Variants in TYW1 observed in about 807,000 individuals in gnomAD.
TYW1 encodes the protein tRNA-yW synthesizing protein 1 homolog.
Under a neutral mutation model 96.2 loss-of-function variants are expected in TYW1, and 46 were observed. That is an observed-to-expected ratio of 0.48 (90% CI 0.38 to 0.61). The LOEUF (loss-of-function observed/expected upper bound fraction) is 0.61. Ranked by LOEUF, TYW1 falls within the 20% of genes least tolerant of loss-of-function variation. The probability of loss-of-function intolerance (pLI) is 0.00; values close to 1 mark genes in which losing one functional copy is unlikely to be tolerated. For missense variants in TYW1, 684 were observed against 909.6 expected (o/e 0.75, Z 3.19); for synonymous variants, 274 against 323.0 (o/e 0.85, Z 1.63).
chr7:67,023,628 T>C (rs1471800823), intron 6 of TYW1, among the ~76,000 whole-genome samples: 1 of 151,544 alleles, frequency 6.6e-6, no homozygotes, highest in Non-Finnish European at 1.5e-5. Flanking sequence ...ATTAGCTGGG[T>C]GTGATGGTGC....
chr7:67,024,767 C>T (rs1346642516), intron 6 of TYW1, 133 bp from the exon 7 acceptor site: 52 of 1,362,556 alleles, frequency 3.8e-5, no homozygotes, highest in Middle Eastern at 2.7e-4. Context: ...GGCGACAGAG[C>T]GAGACCCTGT....
intron 8 of TYW1, among the ~76,000 whole-genome samples, chr7:67,052,744 T>A (rs1186383947): frequency 2.0e-5 from 3 of 152,110 alleles, no homozygotes; most frequent in Non-Finnish European, 2.9e-5. Context: ...TTTATTTATT[T>A]ATTTTGAGAC....
rs1169786647 is a variant in TYW1, at chr7:67,105,974, C to CACA, written c.1562+7259_1562+7261dup. On this transcript the variant is annotated intron_variant, in intron 12 of 15. Coordinates refer to ENST00000359626, the MANE Select transcript of TYW1 (RefSeq NM_018264.4). ...GTACACTGGTGCGATCTCGGCTCAC[C>CACA]ACAACCTCCACTTCCCGGGTTCAAG... Among the ~76,000 whole-genome samples the CACA allele has an allele frequency of 2.0e-5, 3 of 147,644 alleles. No individual in the cohort carries two copies. The East Asian group carries it at 6.0e-4, about 30-fold the overall frequency.
At chr7:67,172,546 G>T (rs1483234152) in intron 13 of TYW1, among the ~76,000 whole-genome samples, 1 of 151,608 alleles carries the variant, frequency 6.6e-6, no homozygotes, top group East Asian at 1.9e-4. Flanking sequence ...TGAGCCTCCC[G>T]AGTAGCTGGG....
At chr7:67,151,591 T>G (rs1798801071) in intron 13 of TYW1, among the ~76,000 whole-genome samples, 1 of 152,142 alleles carries the variant, frequency 6.6e-6, no homozygotes, top group African/African-American at 2.4e-5. Flanking sequence ...GGAATATATC[T>G]ACAAGCAGTA....
At chr7:67,229,578 T>G (rs993716105) in intron 15 of TYW1, among the ~76,000 whole-genome samples, 6 of 151,370 alleles carry the variant, frequency 4.0e-5, no homozygotes, top group African/African-American at 1.5e-4. Context: ...TTTCTGTAAG[T>G]TTTAGATAAG....
chr7:67,102,305 A>G (rs1306987293), intron 12 of TYW1, among the ~76,000 whole-genome samples: 1 of 152,184 alleles, frequency 6.6e-6, no homozygotes, highest in African/African-American at 2.4e-5. Flanking sequence ...CACATTTGGT[A>G]GATGTTATCG....
At chr7:67,187,667 A>C (rs1187970836) in intron 14 of TYW1, among the ~76,000 whole-genome samples, 1 of 152,240 alleles carries the variant, frequency 6.6e-6, no homozygotes, top group Non-Finnish European at 1.5e-5. Context: ...TTATTATGCA[A>C]TTCCATTTTT....
chr7:67,060,907 C>G (rs1344927227), intron 9 of TYW1, among the ~76,000 whole-genome samples: 9 of 152,090 alleles, frequency 5.9e-5, no homozygotes, highest in Admixed American at 3.9e-4. Context: ...GTTCATAAAT[C>G]AGACATGAGG....
intron 15 of TYW1, among the ~76,000 whole-genome samples, chr7:67,213,414 T>G (rs1801104448): frequency 1.3e-5 from 2 of 152,220 alleles, no homozygotes; most frequent in South Asian, 2.1e-4. Context: ...TAAGAGTTCT[T>G]TATATATTTT....
At chr7:67,023,371 A>G (rs1016387356) in intron 6 of TYW1, among the ~76,000 whole-genome samples, 3 of 152,114 alleles carry the variant, frequency 2.0e-5, no homozygotes, top group African/African-American at 7.2e-5. Flanking sequence ...TGCTGGGATT[A>G]CAGGAGTGAG....
Position 67,195,154 on chromosome 7 carries a change from TATA to T in TYW1, c.1810-15_1810-13del, listed in dbSNP as rs763603915. Reference sequence around the variant, plus strand: ...TAGGTCTGTAGTCATCTCTGATGGTTATACTGTTTCCACAGGGCGTTACCTACT... The same window carrying T: ...TAGGTCTGTAGTCATCTCTGATGGTTCTGTTTCCACAGGGCGTTACCTACT... On this transcript the variant is annotated splice_polypyrimidine_tract_variant and intron_variant, in intron 14 of 15. Coordinates refer to ENST00000359626, the MANE Select transcript of TYW1 (RefSeq NM_018264.4). 3.7e-6 allele frequency: 6 copies of T among 1,613,074 alleles called. No homozygotes were observed. The African/African-American group carries it at 8.0e-5, about 22-fold the overall frequency.
chr7:67,138,315 AAG>A (rs1798333526), intron 13 of TYW1, among the ~76,000 whole-genome samples: 2 of 151,846 alleles, frequency 1.3e-5, no homozygotes, highest in African/African-American at 2.4e-5. Flanking sequence ...GGGTTCTAAA[AAG>A]AGTTTTGTTT....
Position 67,019,006 on chromosome 7 carries a change from C to T in TYW1, c.861+863C>T, listed in dbSNP as rs559736624. Among the ~76,000 whole-genome samples, 10 of 151,134 alleles carry T rather than the reference C, an allele frequency of 6.6e-5. No homozygotes were observed. In the East Asian group the frequency reaches 1.4e-3, roughly 21 times the overall value. On this transcript the variant is annotated intron_variant, in intron 6 of 15. Transcript: ENST00000359626. Reference sequence around the variant, plus strand: ...ACAAAATACTGGGCCTCCCAAAATACTGGGATTACAGGCGTGACCCACCGT... The same window carrying T: ...ACAAAATACTGGGCCTCCCAAAATATTGGGATTACAGGCGTGACCCACCGT...
At chr7:67,059,559 G>T (rs886339309) in intron 9 of TYW1, among the ~76,000 whole-genome samples, 1 of 149,808 alleles carries the variant, frequency 6.7e-6, no homozygotes, top group African/African-American at 2.5e-5. Context: ...GCATTTTTTT[G>T]TATAAGGTCG....
intron 13 of TYW1, among the ~76,000 whole-genome samples, chr7:67,142,820 G>T: frequency 6.6e-6 from 1 of 152,162 alleles, no homozygotes; most frequent in East Asian, 1.9e-4. Flanking sequence ...GGGAGGCTGA[G>T]GTGGGTGGAT....
chr7:67,046,261 C>G (rs529967494), intron 7 of TYW1, among the ~76,000 whole-genome samples: 33 of 152,056 alleles, frequency 2.2e-4, no homozygotes, highest in Non-Finnish European at 3.4e-4. Flanking sequence ...TTCCCTGATC[C>G]GAGCCCTTTG....
intron 3 of TYW1, among the ~76,000 whole-genome samples, chr7:67,006,535 G>A (rs1793597674): frequency 6.8e-6 from 1 of 147,422 alleles, no homozygotes; most frequent in African/African-American, 2.5e-5. Flanking sequence ...TGCCTCCCAG[G>A]CTCAAGCGAT....
intron 13 of TYW1, among the ~76,000 whole-genome samples, chr7:67,118,622 T>C (rs1187586569): frequency 6.6e-6 from 1 of 151,612 alleles, no homozygotes; most frequent in Admixed American, 6.6e-5. Flanking sequence ...AGGCCAGGTG[T>C]GGTAGCTCAC....
Sources: gnomAD v4.1 joint callset for allele counts (sites outside exome capture counted in the v4.1 genomes callset) on GRCh38, gnomAD v4.1.1 for gene constraint, MANE v1.5 for transcripts, NCBI Gene and HGNC (gene_info 2026-07-23, HGNC 2026-07-21) for gene names.